The following LRIG1 variants were observed in gnomAD, a reference collection of about 807,000 sequenced individuals.
LRIG1 encodes the protein leucine rich repeats and immunoglobulin like domains 1.
A neutral mutation model predicts 99.2 loss-of-function variants in LRIG1; 48 were observed. The ratio of observed to expected loss-of-function variants is 0.48; its 90% CI spans 0.38 to 0.62. The LOEUF is 0.62. LRIG1 is among the 20% of genes least tolerant of loss of function. The probability of loss-of-function intolerance (pLI) is 0.00; values close to 1 mark genes in which losing one functional copy is unlikely to be tolerated. For synonymous variants in LRIG1, 772 were observed against 596.1 expected (o/e 1.29, Z -4.30); for missense variants, 1,646 against 1,434.4 (o/e 1.15, Z -2.38).
chr3:66,419,970 C>G (rs955768279), intron 3 of LRIG1, among the ~76,000 whole-genome samples: 4 of 152,178 alleles, frequency 2.6e-5, no homozygotes, highest in African/African-American at 9.7e-5. Context: ...AGTCTATTCC[C>G]AACCCAGCAG....
chr3:66,493,768 C>T (rs150982993), intron 1 of LRIG1, among the ~76,000 whole-genome samples: 218 of 148,102 alleles, frequency 1.5e-3, no homozygotes, highest in Non-Finnish European at 1.9e-3. Context: ...TGCACTCCAG[C>T]GTGGGCAACA....
In LRIG1 at chr3:66,379,528, A is replaced by ACTGTT. The variant is rs1700907014; in HGVS notation, c.*730_*734dup. ...AGAGGAGGAGGAAAGGCAGTGTTTAACTGTTCTGACCTTTTGCTTGTGATG... is the reference window on the plus strand; with the variant it reads ...AGAGGAGGAGGAAAGGCAGTGTTTAACTGTTCTGTTCTGACCTTTTGCTTGTGATG... On this transcript the variant is annotated 3_prime_UTR_variant, in exon 19 of 19. Transcript: ENST00000273261. 1 of 152,152 alleles carries ACTGTT rather than the reference A, an allele frequency of 6.6e-6. No homozygotes were observed. Among genetic ancestry groups the ACTGTT allele is most frequent in the Non-Finnish European group, 1.5e-5 (1 of 68,036 alleles). 9.4% of individuals were successfully genotyped at this position (152,152 alleles called of 1,614,324 possible). A position where few individuals can be genotyped will look rare whatever the true frequency, so the allele number is the denominator to read the frequency against.
At chr3:66,412,155 G>A (rs1357294612) in intron 6 of LRIG1, among the ~76,000 whole-genome samples, 1 of 152,220 alleles carries the variant, frequency 6.6e-6, no homozygotes, top group Non-Finnish European at 1.5e-5. Flanking sequence ...TGAAGAGACT[G>A]CTCCCTTGAT....
chr3:66,493,116 G>A (rs570681531), intron 1 of LRIG1, among the ~76,000 whole-genome samples: 10 of 152,228 alleles, frequency 6.6e-5, no homozygotes, highest in East Asian at 5.8e-4. Flanking sequence ...AAAGAGAAGC[G>A]GGTACAGTGA....
At chr3:66,416,151 T>C (rs1264113529) in intron 4 of LRIG1, among the ~76,000 whole-genome samples, 2 of 152,192 alleles carry the variant, frequency 1.3e-5, no homozygotes, top group South Asian at 2.1e-4. Flanking sequence ...CAACTTAGTG[T>C]AGCAGTTATG....
At position 66,472,240 on chromosome 3, in the gene LRIG1, C is replaced by T. The variant is rs1342601082; in HGVS notation, c.219-9731G>A. Among the ~76,000 whole-genome samples the T allele has an allele frequency of 7.2e-5, 9 of 125,588 alleles. No homozygotes were observed. In the East Asian group the frequency reaches 1.1e-3, roughly 15 times the overall value. 82.4% of individuals were successfully genotyped at this position (125,588 alleles called of 152,430 possible). A position where few individuals can be genotyped will look rare whatever the true frequency, so the allele number is the denominator to read the frequency against. Reference sequence around the variant, plus strand: ...AATGGCGAGAACCCGGGAGGCGGAGCGTGCAGTGAGCCGAGATCACACTAC... The same window carrying T: ...AATGGCGAGAACCCGGGAGGCGGAGTGTGCAGTGAGCCGAGATCACACTAC... On this transcript the variant is annotated intron_variant, in intron 1 of 18. Coordinates refer to ENST00000273261, the MANE Select transcript of LRIG1 (RefSeq NM_015541.3).
rs972301213 is a variant in LRIG1, at chr3:66,394,344, C to T, written c.1305-141G>A. ...TGGAAGGGGGAAATGGTTTTTCTCA[C>T]ACTTCCTCTCCAATTTCCCAGGGCA... On this transcript the variant is annotated intron_variant, in intron 11 of 18. Coordinates refer to ENST00000273261, the MANE Select transcript of LRIG1 (RefSeq NM_015541.3). 37 of 722,318 alleles carry T rather than the reference C, an allele frequency of 5.1e-5. No homozygotes were observed. The African/African-American group carries it at 6.7e-4, about 13-fold the overall frequency. The allele number at this position is 722,318 out of a possible 1,614,324, so 44.7% of individuals were successfully genotyped here.
At chr3:66,494,561 T>C (rs1403607638) in intron 1 of LRIG1, among the ~76,000 whole-genome samples, 1 of 152,184 alleles carries the variant, frequency 6.6e-6, no homozygotes, top group Non-Finnish European at 1.5e-5. Flanking sequence ...CTTAAAAAAC[T>C]GAAGGACTTC....
intron 1 of LRIG1, among the ~76,000 whole-genome samples, chr3:66,495,767 ATTG>A (rs760643721): frequency 1.3e-5 from 2 of 152,222 alleles, no homozygotes; most frequent in Non-Finnish European, 2.9e-5. Context: ...GGCCAGGTGC[ATTG>A]TTAAGTCACA....
chr3:66,460,543 G>A (rs1275603097), intron 2 of LRIG1, among the ~76,000 whole-genome samples: 1 of 152,186 alleles, frequency 6.6e-6, no homozygotes, highest in Non-Finnish European at 1.5e-5. Context: ...GAGGAAATCT[G>A]GACACACACA....
chr3:66,407,312 G>A lies in LRIG1; in HGVS notation c.1079+36C>T, dbSNP rs1394196581. On this transcript the variant is annotated intron_variant, in intron 8 of 18. Transcript: ENST00000273261. ...TTGCTCTATTCTGCTCTCCCCACTGGGGACCCCTTTATCCTGTCAGTAGTG... is the reference window on the plus strand; with the variant it reads ...TTGCTCTATTCTGCTCTCCCCACTGAGGACCCCTTTATCCTGTCAGTAGTG... 5 of 1,612,894 alleles carry A rather than the reference G, an allele frequency of 3.1e-6. No homozygotes were observed. In the East Asian group the frequency reaches 1.1e-4, roughly 36 times the overall value.
chr3:66,408,510 G>T (rs1702355059), intron 7 of LRIG1, among the ~76,000 whole-genome samples: 1 of 152,200 alleles, frequency 6.6e-6, no homozygotes, highest in South Asian at 2.1e-4. Flanking sequence ...GCATGGAAGA[G>T]GGCTTCATGC....
intron 10 of LRIG1, 38 bp from the exon 11 acceptor site, chr3:66,398,221 T>C (rs1250059169): frequency 2.0e-6 from 3 of 1,529,948 alleles, no homozygotes; most frequent in African/African-American, 2.7e-5. Context: ...AAAGAAACCC[T>C]AGGTACACCT....
chr3:66,394,644 A>G (rs1701771265), intron 11 of LRIG1, among the ~76,000 whole-genome samples: 1 of 151,934 alleles, frequency 6.6e-6, no homozygotes, highest in African/African-American at 2.4e-5. Flanking sequence ...GGTTTTTCCC[A>G]CTTTCCTGAT....
intron 13 of LRIG1, among the ~76,000 whole-genome samples, chr3:66,384,950 G>A (rs1701296562): frequency 6.6e-6 from 1 of 152,168 alleles, no homozygotes; most frequent in Non-Finnish European, 1.5e-5. Context: ...GTGAGGACTT[G>A]GAATAAGCCA....
chr3:66,424,249 C>T (rs542298958), intron 3 of LRIG1, among the ~76,000 whole-genome samples: 45 of 152,188 alleles, frequency 3.0e-4, no homozygotes, highest in African/African-American at 7.7e-4. Flanking sequence ...CCCACTCCCA[C>T]AGCAAGTGGA....
chr3:66,498,167 T>C (rs1012617222), intron 1 of LRIG1: 2 of 152,214 alleles, frequency 1.3e-5, no homozygotes, highest in Non-Finnish European at 2.9e-5. Flanking sequence ...GCTGCTCATA[T>C]CTTAAAATCG....
chr3:66,452,961 T>C (rs1428835359), intron 2 of LRIG1, among the ~76,000 whole-genome samples: 6 of 152,190 alleles, frequency 3.9e-5, no homozygotes, highest in South Asian at 4.1e-4. Context: ...TGTGTTGAAA[T>C]AGACAATTAA....
intron 1 of LRIG1, among the ~76,000 whole-genome samples, chr3:66,495,154 C>T (rs1051284429): frequency 2.0e-5 from 3 of 152,130 alleles, no homozygotes; most frequent in Non-Finnish European, 4.4e-5. Context: ...ATAGAATGAA[C>T]CCTAGTGGCT....
Sources: gnomAD v4.1 joint callset for allele counts (sites outside exome capture counted in the v4.1 genomes callset) on GRCh38, gnomAD v4.1.1 for gene constraint, MANE v1.5 for transcripts, NCBI Gene and HGNC (gene_info 2026-07-23, HGNC 2026-07-21) for gene names.